The following SLC14A2 variants were observed in gnomAD, a reference collection of about 807,000 sequenced individuals.
SLC14A2 encodes urea transporter 2.
SLC14A2 carries 91 observed loss-of-function variants against 104.6 expected under a neutral mutation model. The ratio of observed to expected loss-of-function variants is 0.87; its 90% CI spans 0.73 to 1.04. SLC14A2 has a LOEUF of 1.04. SLC14A2 is among the 50% of genes least tolerant of loss of function. The pLI is 0.00. For synonymous variants in SLC14A2, 476 were observed against 466.4 expected (o/e 1.02, Z -0.27); for missense variants, 1,189 against 1,156.0 (o/e 1.03, Z -0.41).
chr18:45,431,179 C>T (rs578226289), intron 1 of SLC14A2, among the ~76,000 whole-genome samples: 10 of 152,262 alleles, frequency 6.6e-5, no homozygotes, highest in African/African-American at 2.2e-4. Flanking sequence ...ATTCTTTCTG[C>T]TACAGCCTAA....
At chr18:45,343,792 G>A (rs1018424273) in intron 1 of SLC14A2, among the ~76,000 whole-genome samples, 2 of 152,050 alleles carry the variant, frequency 1.3e-5, no homozygotes, top group South Asian at 2.1e-4. Context: ...GAAATTGCAG[G>A]CACCATGAGA....
chr18:45,675,378 G>C (rs2046208829), intron 18 of SLC14A2, among the ~76,000 whole-genome samples: 1 of 152,172 alleles, frequency 6.6e-6, no homozygotes, highest in Non-Finnish European at 1.5e-5. Context: ...AAAAGGACTT[G>C]CCTGTGGGCA....
intron 2 of SLC14A2, among the ~76,000 whole-genome samples, chr18:45,504,708 C>T (rs2043254834): frequency 6.6e-6 from 1 of 152,200 alleles, no homozygotes; most frequent in Non-Finnish European, 1.5e-5. Context: ...CAGCACTAGC[C>T]TGTGGAAGCA....
intron 1 of SLC14A2, among the ~76,000 whole-genome samples, chr18:45,258,034 T>C (rs1321149293): frequency 6.6e-6 from 1 of 152,200 alleles, no homozygotes; most frequent in Non-Finnish European, 1.5e-5. Flanking sequence ...ACTTAGTATA[T>C]GCCAAGCACT....
At chr18:45,222,093 C>T (rs1051425363) in intron 1 of SLC14A2, among the ~76,000 whole-genome samples, 1 of 152,114 alleles carries the variant, frequency 6.6e-6, no homozygotes, top group African/African-American at 2.4e-5. Flanking sequence ...TTAACATTTC[C>T]CATAGCTTGA....
At chr18:45,601,625 T>G (rs16978424) in intron 2 of SLC14A2, among the ~76,000 whole-genome samples, 3,977 of 152,334 alleles carry the variant, frequency 0.026, 177 homozygotes, top group African/African-American at 0.088. Context: ...TGGCTAGTGC[T>G]CTCCATTCAT....
rs552088677 is a variant in SLC14A2, at chr18:45,416,555, C to G, written c.-124-66678C>G. On this transcript the variant is annotated intron_variant, in intron 1 of 20. Coordinates refer to the SLC14A2 transcript ENST00000586448. ...AGAGTGCAGCCATTCAAAAATTCCT[C>G]TTTGGGGAAGAAAACTTTCCAGTGA... is the stretch of plus-strand genomic sequence containing the variant. Among the ~76,000 whole-genome samples the G allele has an allele frequency of 7.4e-4, 113 of 152,226 alleles. 1 individual carries two copies. The highest frequency in any genetic ancestry group is 3.4e-3 in the Middle Eastern group (1 of 294).
chr18:45,598,698 T>TCTGCATTGGCGGTGGGC (rs2044747424), intron 2 of SLC14A2, among the ~76,000 whole-genome samples: 1 of 152,150 alleles, frequency 6.6e-6, no homozygotes, highest in Admixed American at 6.5e-5. Flanking sequence ...AAGAGGTGGG[T>TCTGCATTGGCGGTGGGC]CTGCATTGGC....
chr18:45,250,743 A>AGT (rs2084412693), intron 1 of SLC14A2, among the ~76,000 whole-genome samples: 1 of 117,628 alleles, frequency 8.5e-6, no homozygotes, highest in African/African-American at 3.6e-5. Context: ...TCCTCTGGCT[A>AGT]GTGGCTTCTT....
chr18:45,604,155 C>T (rs1371589024), intron 2 of SLC14A2, among the ~76,000 whole-genome samples: 4 of 152,122 alleles, frequency 2.6e-5, no homozygotes, highest in East Asian at 1.9e-4. Flanking sequence ...TGTCAATCCC[C>T]GTGGTTTATT....
intron 2 of SLC14A2, among the ~76,000 whole-genome samples, chr18:45,504,433 G>A (rs1261675244): frequency 6.6e-6 from 1 of 152,168 alleles, no homozygotes; most frequent in Admixed American, 6.5e-5. Flanking sequence ...TATGGTAAGG[G>A]ATGGGACCCT....
the SLC14A2 span, among the ~76,000 whole-genome samples, chr18:45,176,060 T>G: frequency 1.3e-5 from 2 of 152,140 alleles, no homozygotes; most frequent in African/African-American, 2.4e-5. Context: ...AGGATGCCAA[T>G]GAGCAGACTG....
intron 1 of SLC14A2, among the ~76,000 whole-genome samples, chr18:45,439,815 G>A (rs974240910): frequency 6.6e-6 from 1 of 152,146 alleles, no homozygotes; most frequent in African/African-American, 2.4e-5. Context: ...GACCACTCCA[G>A]GGAAAGACTT....
intron 4 of SLC14A2, among the ~76,000 whole-genome samples, chr18:45,631,879 A>G (rs2144525304): frequency 1.3e-5 from 2 of 152,316 alleles, no homozygotes; most frequent in East Asian, 1.9e-4. Flanking sequence ...TTGGACTCCC[A>G]AAGTGCAGGG....
intron 10 of SLC14A2, among the ~76,000 whole-genome samples, chr18:45,661,102 G>T (rs1389403678): frequency 1.3e-5 from 2 of 152,196 alleles, no homozygotes; most frequent in Non-Finnish European, 2.9e-5. Flanking sequence ...AATCTGGGCT[G>T]CTAACTGTGA....
intron 1 of SLC14A2, among the ~76,000 whole-genome samples, chr18:45,304,975 G>A (rs2085003768): frequency 6.6e-6 from 1 of 151,996 alleles, no homozygotes; most frequent in Non-Finnish European, 1.5e-5. Context: ...GCCCTTGCAG[G>A]GCTTGTAAGA....
At chr18:45,436,102 T>C (rs532598640) in intron 1 of SLC14A2, among the ~76,000 whole-genome samples, 1 of 152,316 alleles carries the variant, frequency 6.6e-6, no homozygotes, top group South Asian at 2.1e-4. Flanking sequence ...CTTCGAGTTT[T>C]GTGTTACATT....
intron 19 of SLC14A2, 46 bp from the exon 20 acceptor site, chr18:45,682,273 C>A: frequency 1.9e-6 from 3 of 1,563,870 alleles, no homozygotes; most frequent in Non-Finnish European, 2.6e-6. Flanking sequence ...TTAAAATGCA[C>A]AGGCACCTGA....
At chr18:45,582,661 T>C (rs1444664394) in intron 2 of SLC14A2, among the ~76,000 whole-genome samples, 1 of 152,122 alleles carries the variant, frequency 6.6e-6, no homozygotes, top group Non-Finnish European at 1.5e-5. Context: ...TGTTCCTGGG[T>C]CACACAGAGA....
Sources: allele counts gnomAD v4.1 joint callset (sites outside exome capture counted in the v4.1 genomes callset), GRCh38; gene constraint gnomAD v4.1.1; transcripts MANE v1.5; gene names NCBI Gene and HGNC (gene_info 2026-07-23, HGNC 2026-07-21).